Variants in KNDC1 observed in about 807,000 individuals in gnomAD.
The protein encoded by KNDC1 is kinase non-catalytic C-lobe domain-containing protein 1.
In KNDC1, 106 loss-of-function variants were observed where a neutral mutation model predicts 172.8. The observed-to-expected ratio is 0.61, with a 90% CI of 0.52 to 0.72. The LOEUF (loss-of-function observed/expected upper bound fraction) is 0.72, where lower values mean the gene tolerates loss of function less well. Among genes scored for constraint, KNDC1 ranks in the 30% least tolerant of loss-of-function variants. The probability of loss-of-function intolerance (pLI) is 0.00; values close to 1 mark genes in which losing one functional copy is unlikely to be tolerated. For missense variants in KNDC1, 2,325 were observed against 2,394.5 expected (o/e 0.97, Z 0.61); for synonymous variants, 1,083 against 1,062.2 (o/e 1.02, Z -0.38).
chr10:133,205,497 A>G (rs1177923931), intron 17 of KNDC1, among the ~76,000 whole-genome samples: 1 of 152,180 alleles, frequency 6.6e-6, no homozygotes, highest in Non-Finnish European at 1.5e-5. Context: ...CCGGGCGTGC[A>G]CTCACATTTA....
rs1021564575 is a variant in KNDC1 at position 133,181,567 on chromosome 10, C to T, written c.361-1777C>T. Among the ~76,000 whole-genome samples, 25 of 152,116 alleles carry T rather than the reference C, an allele frequency of 1.6e-4. 1 individual carries two copies. Among genetic ancestry groups the T allele is most frequent in the Admixed American group, 1.6e-3 (25 of 15,284 alleles). On this transcript the variant is annotated intron_variant, in intron 3 of 29. Coordinates refer to ENST00000304613, the MANE Select transcript of KNDC1 (RefSeq NM_152643.8). Reference sequence around the variant, plus strand: ...TGGCTGGTGTGCCAGGTGGGCTGCCCCAGGGCACCAGGCAGGGTGCAGGAG... The same window carrying T: ...TGGCTGGTGTGCCAGGTGGGCTGCCTCAGGGCACCAGGCAGGGTGCAGGAG...
chr10:133,176,426 G>A (rs1165252280), intron 3 of KNDC1, among the ~76,000 whole-genome samples: 1 of 152,128 alleles, frequency 6.6e-6, no homozygotes, highest in African/African-American at 2.4e-5. Flanking sequence ...TCTCAAGGCT[G>A]TGGGAATCAC....
chr10:133,211,384 C>A, intron 21 of KNDC1, 38 bp from the exon 22 acceptor site: 1 of 1,598,906 alleles, frequency 6.3e-7, no homozygotes, highest in Non-Finnish European at 8.5e-7. Context: ...CCCCGACTCC[C>A]ACATCCTGGC....
Position 133,198,446 on chromosome 10 carries a change from C to G in KNDC1, c.2016C>G (p.Ser672=), listed in dbSNP as rs753633375. ...CCCAGCTGCCTGCAGCGTTCACCTCCGAGGCCACGCACTTCAAGCCCATTG... is the reference window on the plus strand; with the variant it reads ...CCCAGCTGCCTGCAGCGTTCACCTCGGAGGCCACGCACTTCAAGCCCATTG... The part of the protein sequence containing the change: ...EATQLPAAFT[S]EATHFKPIVL... The change falls in exon 13 of 30, where the codon TCC becomes TCG. Residue 672 remains serine, a synonymous_variant. Transcript: ENST00000304613. 84 of 1,603,930 alleles carry G rather than the reference C, an allele frequency of 5.2e-5. No individual in the cohort carries two copies. Among genetic ancestry groups the G allele is most frequent in the Non-Finnish European group, 6.9e-5 (81 of 1,175,786 alleles).
intron 14 of KNDC1, 36 bp downstream of exon 14, chr10:133,199,302 G>A (rs767665088): frequency 4.5e-5 from 69 of 1,539,984 alleles, no homozygotes; most frequent in Middle Eastern, 3.5e-4. Context: ...GAGGAGGCCC[G>A]GGCCAGGGAG....
At chr10:133,223,956 C>T (rs1423723754) in intron 29 of KNDC1, among the ~76,000 whole-genome samples, 1 of 134,936 alleles carries the variant, frequency 7.4e-6, no homozygotes, top group East Asian at 2.3e-4. Context: ...TGTGTGAGCC[C>T]ATCCAGGCAT....
intron 17 of KNDC1, among the ~76,000 whole-genome samples, chr10:133,203,024 C>G (rs1854418909): frequency 6.6e-6 from 1 of 151,858 alleles, no homozygotes; most frequent in Non-Finnish European, 1.5e-5. Context: ...GCACTCCGCC[C>G]CCAAACGCAT....
chr10:133,217,402 C>T (rs1421027206), intron 26 of KNDC1, among the ~76,000 whole-genome samples: 1 of 152,252 alleles, frequency 6.6e-6, no homozygotes, highest in Admixed American at 6.5e-5. Flanking sequence ...GAGGCGCCTT[C>T]AGCTGCACAG....
In KNDC1 at chr10:133,200,376, ACG is replaced by A. The variant is rs1854325598; in HGVS notation, c.2906_2907del (p.Thr969SerfsTer80). 3 of 1,587,034 alleles carry A rather than the reference ACG, an allele frequency of 1.9e-6. No individual in the cohort carries two copies. Among genetic ancestry groups the A allele is most frequent in the African/African-American group, 2.7e-5 (2 of 72,926 alleles). ...VNGQASPSPS[T>X]AEEAGSQLEG... ...ACTGACCTGCATTCTCGTCGTCAGC[ACG>A]GCCGAGGAGGCTGGGTCACAGCTCG... On this transcript the variant is annotated frameshift_variant and splice_region_variant, in exon 16 of 30. Coordinates refer to ENST00000304613, the MANE Select transcript of KNDC1 (RefSeq NM_152643.8). LOFTEE classifies it high-confidence loss of function.
At chr10:133,215,403 C>G (rs137953027) in intron 26 of KNDC1, among the ~76,000 whole-genome samples, 4 of 152,236 alleles carry the variant, frequency 2.6e-5, no homozygotes, top group Non-Finnish European at 2.9e-5. Context: ...GGGCCGTAAA[C>G]GAAGGCAGAG....
chr10:133,206,602 C>G, intron 17 of KNDC1, 83 bp from the exon 18 acceptor site: 5 of 1,144,056 alleles, frequency 4.4e-6, no homozygotes, highest in Non-Finnish European at 6.6e-6. Flanking sequence ...CCAAGGAGGC[C>G]CCAGTGGGGT....
At chr10:133,172,859 C>T (rs951621767) in intron 3 of KNDC1, among the ~76,000 whole-genome samples, 5 of 152,098 alleles carry the variant, frequency 3.3e-5, no homozygotes, top group East Asian at 1.9e-4. Context: ...AAAAATTAGC[C>T]GGGCATGGTG....
rs1845527493 is a variant in KNDC1, at chr10:133,219,046, C to T, written c.4816C>T (p.Pro1606Ser). Residue 1606 changes from proline (P) to serine (S), a missense_variant, in exon 28 of 30, where the codon CCT (proline) becomes TCT (serine). Coordinates refer to ENST00000304613, the MANE Select transcript of KNDC1 (RefSeq NM_152643.8). Reference protein sequence around the residue: ...VRQSPAWRILPAKIAEVMEEL... With the variant: ...VRQSPAWRILSAKIAEVMEEL... ...TTCATTTCAGGCCTGGAGAATTCTG[C>T]CTGCAAAGATAGCAGAGGTCATGGA... 6.2e-7 allele frequency: 1 copy of T among 1,613,912 alleles called. No homozygotes were observed. Among genetic ancestry groups the T allele is most frequent in the Admixed American group, 1.7e-5 (1 of 59,998 alleles).
chr10:133,186,499 A>C lies in KNDC1; in HGVS notation c.1151A>C (p.Asp384Ala). 6.2e-7 allele frequency: 1 copy of C among 1,612,376 alleles called. No individual in the cohort carries two copies. The highest frequency in any genetic ancestry group is 1.1e-5 in the South Asian group (1 of 91,060). The change falls in exon 6 of 30, where the codon GAC becomes GCC. Residue 384 changes from aspartate (D) to alanine (A), a missense_variant. By Grantham distance (126) the Asp-to-Ala change is moderately radical (BLOSUM62 -2). Coordinates refer to ENST00000304613, the MANE Select transcript of KNDC1 (RefSeq NM_152643.8). The part of the protein sequence containing the change: ...GRVPCAGRST[D>A]RGPGVPGSPG... ...GTTCCCTGTGCAGGCCGCAGCACGG[A>C]CAGGGGCCCTGGGGTGCCCGGCAGT...
At chr10:133,195,501 G>A (rs1373158168) in intron 9 of KNDC1, among the ~76,000 whole-genome samples, 162 bp from the exon 10 acceptor site, 1 of 152,200 alleles carries the variant, frequency 6.6e-6, no homozygotes, top group African/African-American at 2.4e-5. Flanking sequence ...GGATGCAGGG[G>A]TCCAGGGTGG....
chr10:133,190,954 G>C (rs1854057672), intron 9 of KNDC1, among the ~76,000 whole-genome samples: 1 of 152,190 alleles, frequency 6.6e-6, no homozygotes, highest in East Asian at 1.9e-4. Context: ...CCCCTTCAAG[G>C]AACGAAAATC....
intron 16 of KNDC1, among the ~76,000 whole-genome samples, chr10:133,200,989 G>A (rs1239760729): frequency 2.6e-5 from 4 of 152,222 alleles, no homozygotes; most frequent in South Asian, 2.1e-4. Flanking sequence ...GTCCGTAGTC[G>A]TGGCCAGGCT....
At chr10:133,222,222 C>G (rs34999719) in intron 29 of KNDC1, among the ~76,000 whole-genome samples, 109,842 of 143,538 alleles carry the variant, frequency 0.77, 42,687 homozygotes, top group Middle Eastern at 0.86. Context: ...GGCGGAGCTT[C>G]CAGTGAGCCG....
intron 3 of KNDC1, among the ~76,000 whole-genome samples, chr10:133,171,760 G>A (rs558086022): frequency 3.3e-5 from 5 of 151,864 alleles, no homozygotes; most frequent in Non-Finnish European, 5.9e-5. Flanking sequence ...GTAGGCACAC[G>A]CCACCACACC....
Sources: allele counts gnomAD v4.1 joint callset (sites outside exome capture counted in the v4.1 genomes callset), GRCh38; gene constraint gnomAD v4.1.1; transcripts MANE v1.5; gene names NCBI Gene and HGNC (gene_info 2026-07-23, HGNC 2026-07-21).